The following CCDC85A variants were observed in gnomAD, a reference collection of about 807,000 sequenced individuals.
CCDC85A encodes the protein coiled-coil domain-containing protein 85A.
Under a neutral mutation model 50.2 loss-of-function variants are expected in CCDC85A, and 38 were observed. The ratio of observed to expected loss-of-function variants is 0.76; its 90% CI spans 0.58 to 0.99. The LOEUF (loss-of-function observed/expected upper bound fraction) is 0.99. Among genes scored for constraint, CCDC85A ranks in the 50% least tolerant of loss-of-function variants. The pLI, the probability that CCDC85A is intolerant of heterozygous loss-of-function variation, is 0.00. For missense variants in CCDC85A, 820 were observed against 742.0 expected, an observed-to-expected ratio of 1.11 and a Z score of -1.22; for synonymous variants, 366 against 301.4, an observed-to-expected ratio of 1.21 and a Z score of -2.22.
intron 2 of CCDC85A, among the ~76,000 whole-genome samples, chr2:56,299,992 G>A (rs768468310): frequency 2.0e-5 from 3 of 152,174 alleles, no homozygotes; most frequent in Non-Finnish European, 4.4e-5. Context: ...AGAAAGAATT[G>A]TGGGAGGTGA....
chr2:56,355,984 C>G (rs779788066), intron 3 of CCDC85A, among the ~76,000 whole-genome samples: 2 of 152,174 alleles, frequency 1.3e-5, no homozygotes, highest in Non-Finnish European at 2.9e-5. Context: ...CAAGCTCTAT[C>G]AATTGTTTGT....
chr2:56,342,414 G>C (rs1674416909), intron 2 of CCDC85A, among the ~76,000 whole-genome samples: 2 of 152,100 alleles, frequency 1.3e-5, no homozygotes, highest in Admixed American at 6.5e-5. Flanking sequence ...TGGAGAGACT[G>C]GATTTCGGTA....
At position 56,192,371 on chromosome 2, in the gene CCDC85A, C is replaced by T; in HGVS notation, c.277-106C>T. 1 of 1,489,630 alleles carries T rather than the reference C, an allele frequency of 6.7e-7. No homozygotes were observed. The allele number at this position is 1,489,630 out of a possible 1,614,324, so 92.3% of individuals were successfully genotyped here. On this transcript the variant is annotated intron_variant, in intron 1 of 5. Transcript: ENST00000407595. This position sits in a 1 kb window ranked among gnomAD's most constrained non-coding sequence, Gnocchi z 4.7. Reference sequence around the variant, plus strand: ...CCTACTCCCTCACCTCCTCCCCTAACCTCACAGGTAATTCACCAGTTACAG... The same window carrying T: ...CCTACTCCCTCACCTCCTCCCCTAATCTCACAGGTAATTCACCAGTTACAG...
chr2:56,381,624 G>T (rs1573380492), intron 5 of CCDC85A, among the ~76,000 whole-genome samples: 1 of 152,198 alleles, frequency 6.6e-6, no homozygotes, highest in Admixed American at 6.6e-5. Flanking sequence ...AGTACACCAA[G>T]ATTTCCTTTG....
intron 2 of CCDC85A, among the ~76,000 whole-genome samples, chr2:56,265,377 TCTACTTCATAACAA>T (rs1670393187): frequency 4.0e-5 from 6 of 151,866 alleles, no homozygotes. Flanking sequence ...AGGAACTAAA[TCTACTTCATAACAA>T]GAAAACAAAT....
chr2:56,350,752 C>CT (rs373522130), intron 3 of CCDC85A, among the ~76,000 whole-genome samples: 22,054 of 128,894 alleles, frequency 0.17, 1,903 homozygotes, highest in East Asian at 0.28. Flanking sequence ...GAGACCTTTC[C>CT]TTTTTTTTTT....
intron 2 of CCDC85A, among the ~76,000 whole-genome samples, chr2:56,266,588 C>CA (rs1553402023): frequency 7.4e-6 from 1 of 134,672 alleles, no homozygotes. Context: ...GCCCCCCCCC[C>CA]CCATAATCTT....
chr2:56,360,292 A>C (rs114579654), intron 3 of CCDC85A, among the ~76,000 whole-genome samples: 68 of 152,290 alleles, frequency 4.5e-4, no homozygotes, highest in African/African-American at 1.6e-3. Flanking sequence ...GTCTCTCTTC[A>C]CAGCTACCAC....
intron 2 of CCDC85A, among the ~76,000 whole-genome samples, chr2:56,280,183 A>G (rs1188649078): frequency 2.6e-5 from 4 of 152,106 alleles, no homozygotes; most frequent in African/African-American, 9.7e-5. Context: ...TTGATGGTTC[A>G]TGCACTTGTG....
intron 2 of CCDC85A, among the ~76,000 whole-genome samples, chr2:56,328,279 G>T (rs937589902): frequency 6.6e-6 from 1 of 152,110 alleles, no homozygotes; most frequent in African/African-American, 2.4e-5. Flanking sequence ...GAGAGAACTC[G>T]CTGAAATGCA....
intron 2 of CCDC85A, among the ~76,000 whole-genome samples, chr2:56,237,040 G>GA (rs1669050959): frequency 6.6e-6 from 1 of 152,046 alleles, no homozygotes. Flanking sequence ...ACTAATCTGT[G>GA]AAAAATGCTG....
chr2:56,211,672 C>T lies in CCDC85A; in HGVS notation c.1240+18232C>T, dbSNP rs371785346. On this transcript the variant is annotated intron_variant, in intron 2 of 5. Coordinates refer to ENST00000407595, the MANE Select transcript of CCDC85A (RefSeq NM_001080433.2). ...CCCTGGTTGGAATACTGCATGCTAT[C>T]CCAGACTCTTCCTTATCCATCATCC... Among the ~76,000 whole-genome samples, 3 of 151,976 alleles carry T rather than the reference C, an allele frequency of 2.0e-5. No homozygotes were observed. In the South Asian group the frequency reaches 6.2e-4, roughly 31 times the overall value.
At position 56,286,657 on chromosome 2, in the gene CCDC85A, A is replaced by G. The variant is rs187798483; in HGVS notation, c.1241-56222A>G. ...GCCCTTGAACATATTTATAATAACT[A>G]TGTTAAAATCCCATCTACTCATTTT... On this transcript the variant is annotated intron_variant, in intron 2 of 5. Transcript: ENST00000407595. 7.6e-4 allele frequency among the ~76,000 whole-genome samples: 116 copies of G among 152,234 alleles called. No homozygotes were observed. In the East Asian group the frequency reaches 8.5e-3, roughly 11 times the overall value.
chr2:56,313,814 T>G (rs1289349010), intron 2 of CCDC85A, among the ~76,000 whole-genome samples: 3 of 148,884 alleles, frequency 2.0e-5, no homozygotes, highest in African/African-American at 7.8e-5. Context: ...GGGACAGGAG[T>G]ACCAGGTACT....
intron 2 of CCDC85A, among the ~76,000 whole-genome samples, chr2:56,317,106 G>A (rs1350017240): frequency 6.6e-6 from 1 of 152,034 alleles, no homozygotes; most frequent in Non-Finnish European, 1.5e-5. Context: ...AGATGGCAAA[G>A]TGGAAGATTT....
At chr2:56,275,778 T>C (rs1229448397) in intron 2 of CCDC85A, among the ~76,000 whole-genome samples, 3 of 152,236 alleles carry the variant, frequency 2.0e-5, no homozygotes, top group Admixed American at 6.5e-5. Context: ...ACTAGATTGA[T>C]CTGTGATAAG....
rs1442842548 is a variant in CCDC85A, at chr2:56,367,773, A to C, written c.1318-4571A>C. Among the ~76,000 whole-genome samples, 3 of 152,328 alleles carry C rather than the reference A, an allele frequency of 2.0e-5. No individual in the cohort carries two copies. The East Asian group carries it at 5.8e-4, about 29-fold the overall frequency. On this transcript the variant is annotated intron_variant, in intron 3 of 5. Transcript: ENST00000407595. ...GACATAAATTGACAAGTTATAAAAT[A>C]TGTTGACAAGCAAAGCAAAAACATT...
intron 3 of CCDC85A, among the ~76,000 whole-genome samples, chr2:56,350,735 T>C (rs1202022856): frequency 6.7e-6 from 1 of 149,922 alleles, no homozygotes; most frequent in East Asian, 2.0e-4. Context: ...TCCTCCTCTG[T>C]GGTTCAGAGA....
chr2:56,207,573 A>G (rs1356955825), intron 2 of CCDC85A, among the ~76,000 whole-genome samples: 2 of 152,302 alleles, frequency 1.3e-5, no homozygotes, highest in Non-Finnish European at 2.9e-5. Context: ...TTCAGCTGCA[A>G]TTATAGGTGT....
Sources: gnomAD v4.1 joint callset for allele counts (sites outside exome capture counted in the v4.1 genomes callset) on GRCh38, gnomAD v4.1.1 for gene constraint, Gnocchi (gnomAD v3.1) non-coding constraint, MANE v1.5 for transcripts, NCBI Gene and HGNC (gene_info 2026-07-23, HGNC 2026-07-21) for gene names.